The following SLC36A3 variants were observed in gnomAD, a reference collection of about 807,000 sequenced individuals.
SLC36A3 encodes the protein proton-coupled amino acid transporter 3.
A neutral mutation model predicts 44.3 loss-of-function variants in SLC36A3; 35 were observed. The ratio of observed to expected loss-of-function variants is 0.79; its 90% CI spans 0.60 to 1.05. SLC36A3 has a LOEUF of 1.05. Among genes scored for constraint, SLC36A3 ranks in the 50% least tolerant of loss-of-function variants. The pLI, the probability that SLC36A3 is intolerant of heterozygous loss-of-function variation, is 0.00. For synonymous variants in SLC36A3, 211 were observed against 227.6 expected (o/e 0.93, Z 0.66); for missense variants, 540 against 578.7 (o/e 0.93, Z 0.69).
chr5:151,300,687 T>G (rs368678107), intron 1 of SLC36A3, among the ~76,000 whole-genome samples: 1 of 152,198 alleles, frequency 6.6e-6, no homozygotes, highest in East Asian at 1.9e-4. Context: ...ATCTGGACCT[T>G]GAAGCATAAA....
intron 1 of SLC36A3, among the ~76,000 whole-genome samples, chr5:151,299,258 C>CTATATA (rs1488673598): frequency 2.2e-4 from 15 of 68,048 alleles, no homozygotes; most frequent in African/African-American, 6.8e-4. Flanking sequence ...CTCTCTCTCT[C>CTATATA]TCTCTCTATA....
chr5:151,303,543 T>TCTG lies in SLC36A3; in HGVS notation c.-190_-189insCAG. On this transcript the variant is annotated 5_prime_UTR_variant, in exon 1 of 10. Transcript: ENST00000335230. ...GCGGTGGTGGCAGGAGAGGCTGATG[T>TCTG]TGATGATGCCTCACCTGGCTCTTGG... The TCTG allele has an allele frequency of 3.7e-6, 2 of 537,412 alleles. No individual in the cohort carries two copies. Among genetic ancestry groups the TCTG allele is most frequent in the South Asian group, 3.3e-5 (1 of 30,468 alleles). The allele number at this position is 537,412 out of a possible 1,614,324, so 33.3% of individuals were successfully genotyped here.
At chr5:151,299,129 CA>C (rs1449156687) in intron 1 of SLC36A3, among the ~76,000 whole-genome samples, 1 of 151,174 alleles carries the variant, frequency 6.6e-6, no homozygotes, top group East Asian at 2.0e-4. Context: ...TCACTAGAAA[CA>C]AAAATCTACC....
At chr5:151,281,213 T>C in intron 8 of SLC36A3, 30 bp from the exon 9 acceptor site, 1 of 1,578,192 alleles carries the variant, frequency 6.3e-7, no homozygotes, top group Non-Finnish European at 8.6e-7. Flanking sequence ...ATGTGAAAGG[T>C]GATGTGGCTC....
At chr5:151,300,751 G>C (rs75292584) in intron 1 of SLC36A3, among the ~76,000 whole-genome samples, 1 of 152,162 alleles carries the variant, frequency 6.6e-6, no homozygotes, top group Non-Finnish European at 1.5e-5. Flanking sequence ...ATTTTTTCTC[G>C]AAAACTATAC....
At chr5:151,289,088 T>C (rs10071719) in intron 4 of SLC36A3, 75,175 of 152,702 alleles carry the variant, frequency 0.49, 20,384 homozygotes, top group African/African-American at 0.71. Flanking sequence ...AAGTCAATTG[T>C]AGGTATCCTA....
At chr5:151,287,526 A>G (rs1754588671) in intron 5 of SLC36A3, 62 bp from the exon 6 acceptor site, 7 of 1,492,114 alleles carry the variant, frequency 4.7e-6, no homozygotes, top group Middle Eastern at 4.1e-4. Context: ...CACCAATTAC[A>G]TTTGAATTTC....
chr5:151,287,045 A>T (rs1754561855), intron 6 of SLC36A3, among the ~76,000 whole-genome samples: 1 of 152,160 alleles, frequency 6.6e-6, no homozygotes. Context: ...GATGATGAGG[A>T]TGTTGATGAC....
Position 151,303,436 on chromosome 5 carries a change from A to G in SLC36A3, c.-82T>C. Reference sequence around the variant, plus strand: ...TGATGGGTCTTTCTCCAGAGAAACCATGGCTGCTGACCTGAGATGCTGGCT... The same window carrying G: ...TGATGGGTCTTTCTCCAGAGAAACCGTGGCTGCTGACCTGAGATGCTGGCT... On this transcript the variant is annotated 5_prime_UTR_variant, in exon 1 of 10. The change abolishes an upstream ATG in the 5' untranslated region. Coordinates refer to ENST00000335230, the MANE Select transcript of SLC36A3 (RefSeq NM_181774.4). The G allele has an allele frequency of 1.4e-6, 2 of 1,472,938 alleles. No individual in the cohort carries two copies. The highest frequency in any genetic ancestry group is 2.0e-5 in the Admixed American group (1 of 49,296). 91.2% of individuals were successfully genotyped at this position (1,472,938 alleles called of 1,614,324 possible).
At chr5:151,289,905 G>C (rs1030149438) in intron 4 of SLC36A3, among the ~76,000 whole-genome samples, 3 of 152,114 alleles carry the variant, frequency 2.0e-5, no homozygotes, top group East Asian at 3.9e-4. Context: ...CTTTGAGATG[G>C]CATGATTATC....
In SLC36A3 at chr5:151,277,466, G is replaced by A. The variant is rs749234821; in HGVS notation, c.1340C>T (p.Thr447Ile). 6.2e-6 allele frequency: 10 copies of A among 1,614,192 alleles called. No homozygotes were observed. Among genetic ancestry groups the A allele is most frequent in the African/African-American group, 1.3e-5 (1 of 75,056 alleles). ...IVGLLGCIFG[T>I]YQALYELPQP... is the part of the protein sequence containing the mutation. The stretch of plus-strand genomic sequence containing the variant: ...GGGCAACTCATAGAGGGCTTGGTAT[G>A]TCCCAAATATACACCCTAAAAGGCC... Residue 447 changes from threonine to isoleucine, a missense_variant, in exon 10 of 10, where the codon ACA (threonine) becomes ATA (isoleucine). Thr to Ile is a moderately conservative substitution (Grantham distance 89). Transcript: ENST00000335230.
intron 3 of SLC36A3, 146 bp downstream of exon 3, chr5:151,296,034 A>G (rs1434735408): frequency 2.7e-6 from 2 of 736,906 alleles, no homozygotes; most frequent in Non-Finnish European, 4.7e-6. Flanking sequence ...ACTCTCTGTC[A>G]TGCTCTCCTT....
rs757965689 is a variant in SLC36A3, at chr5:151,303,553, C to T, written c.-199G>A. On this transcript the variant is annotated 5_prime_UTR_variant, in exon 1 of 10. Coordinates refer to ENST00000335230, the MANE Select transcript of SLC36A3 (RefSeq NM_181774.4). ...CAGGAGAGGCTGATGTTGATGATGC[C>T]TCACCTGGCTCTTGGGGGACTTATG... 1.6e-5 allele frequency: 8 copies of T among 505,122 alleles called. No homozygotes were observed. The highest frequency in any genetic ancestry group is 5.8e-5 in the African/African-American group (3 of 52,152). The allele number at this position is 505,122 out of a possible 1,614,324, so 31.3% of individuals were successfully genotyped here.
intron 8 of SLC36A3, among the ~76,000 whole-genome samples, chr5:151,281,598 A>G (rs1754316818): frequency 1.3e-5 from 2 of 152,106 alleles, no homozygotes; most frequent in Non-Finnish European, 2.9e-5. Context: ...CGAGTGGATC[A>G]CCTGAGGTCA....
Position 151,284,649 on chromosome 5 carries a change from A to G in SLC36A3, c.771T>C (p.Phe257=), listed in dbSNP as rs369695535. 3.1e-6 allele frequency: 5 copies of G among 1,613,130 alleles called. No individual in the cohort carries two copies. Among genetic ancestry groups the G allele is most frequent in the Non-Finnish European group, 3.4e-6 (4 of 1,179,412 alleles). Residue 257 remains phenylalanine, a synonymous_variant, in exon 7 of 10, where the codon TTT becomes TTC. Transcript: ENST00000335230. The part of the protein sequence containing the change: ...MANWKTFLLF[F]GTAIFTFEGV... The stretch of plus-strand genomic sequence containing the variant: ...CTTCAAATGTGAAGATGGCTGTACC[A>G]AAGAACAGCAAGAAGGTCTTCCAGT...
chr5:151,292,738 C>T (rs1376510172), intron 4 of SLC36A3, among the ~76,000 whole-genome samples: 1 of 152,226 alleles, frequency 6.6e-6, no homozygotes, highest in Non-Finnish European at 1.5e-5. Flanking sequence ...AATCCCAGCA[C>T]TTTGGGAGGC....
chr5:151,293,527 G>A, intron 3 of SLC36A3, 68 bp from the exon 4 acceptor site: 3 of 1,305,006 alleles, frequency 2.3e-6, no homozygotes, highest in Admixed American at 2.1e-5. Context: ...TTCTCCCAAA[G>A]TGAGTGATTT....
At chr5:151,299,262 CTCTA>C (rs1295245483) in intron 1 of SLC36A3, among the ~76,000 whole-genome samples, 2,781 of 64,068 alleles carry the variant, frequency 0.043, 18 homozygotes, top group Middle Eastern at 0.058. Flanking sequence ...CTCTCTCTCT[CTCTA>C]TATATATATA....
intron 9 of SLC36A3, 133 bp downstream of exon 9, chr5:151,280,881 A>G: frequency 2.2e-6 from 2 of 910,688 alleles, no homozygotes; most frequent in Non-Finnish European, 3.3e-6. Flanking sequence ...GGAAAAATTG[A>G]GGTCCAGGGA....
Sources: allele counts gnomAD v4.1 joint callset (sites outside exome capture counted in the v4.1 genomes callset), GRCh38; gene constraint gnomAD v4.1.1; transcripts MANE v1.5; gene names NCBI Gene and HGNC (gene_info 2026-07-23, HGNC 2026-07-21).